The following GMCL1 variants were observed in gnomAD, a reference collection of about 807,000 sequenced individuals.
GMCL1 encodes the protein germ cell-less protein-like 1.
GMCL1 carries 54 observed loss-of-function variants against 75.5 expected under a neutral mutation model. The ratio of observed to expected loss-of-function variants is 0.71; its 90% CI spans 0.57 to 0.90. The LOEUF (loss-of-function observed/expected upper bound fraction) is 0.90, where lower values mean the gene tolerates loss of function less well. Among genes scored for constraint, GMCL1 ranks in the 40% least tolerant of loss-of-function variants. GMCL1 has a pLI of 0.00. For missense variants in GMCL1, 537 were observed against 622.7 expected (o/e 0.86, Z 1.47); for synonymous variants, 210 against 209.6 (o/e 1.00, Z -0.02).
At chr2:69,837,404 A>AT in intron 1 of GMCL1, 143 bp from the exon 2 acceptor site, 1 of 680,268 alleles carries the variant, frequency 1.5e-6, no homozygotes, top group South Asian at 2.4e-5. Context: ...TTGAATATAT[A>AT]CTATCTCCCT....
chr2:69,843,747 T>C (rs1394172900), intron 5 of GMCL1, among the ~76,000 whole-genome samples: 2 of 152,232 alleles, frequency 1.3e-5, no homozygotes, highest in Non-Finnish European at 2.9e-5. Context: ...GCCGTGATCA[T>C]GCCACTGCAC....
At chr2:69,867,348 C>G (rs1558550168) in intron 11 of GMCL1, among the ~76,000 whole-genome samples, 1 of 152,120 alleles carries the variant, frequency 6.6e-6, no homozygotes, top group South Asian at 2.1e-4. Flanking sequence ...TCCACCCTAC[C>G]TCAGGCATCC....
chr2:69,834,572 A>G (rs773635266), intron 1 of GMCL1, among the ~76,000 whole-genome samples: 4 of 152,160 alleles, frequency 2.6e-5, no homozygotes, highest in Non-Finnish European at 5.9e-5. Flanking sequence ...TCAGGCCTAC[A>G]GTCTTGATGA....
chr2:69,872,168 A>G lies in GMCL1; in HGVS notation c.1452+336A>G, dbSNP rs558785848. The stretch of plus-strand genomic sequence containing the variant: ...TAAGTGCTTTATCCATTGTGTACAT[A>G]GTGCATTTATTTATACATTCACAGC... On this transcript the variant is annotated intron_variant, in intron 13 of 13. Transcript: ENST00000282570. Among the ~76,000 whole-genome samples the G allele has an allele frequency of 5.6e-3, 846 of 152,334 alleles. 4 individuals carry two copies. Among genetic ancestry groups the G allele is most frequent in the African/African-American group, 0.018 (756 of 41,582 alleles).
At chr2:69,843,083 A>G in intron 4 of GMCL1, 66 bp from the exon 5 acceptor site, 1 of 702,310 alleles carries the variant, frequency 1.4e-6, no homozygotes, top group Non-Finnish European at 2.4e-6. Context: ...TTTAATATGT[A>G]AAAGCTGTCA....
chr2:69,855,139 A>G (rs1178485690), intron 9 of GMCL1, among the ~76,000 whole-genome samples, 179 bp downstream of exon 9: 1 of 152,080 alleles, frequency 6.6e-6, no homozygotes, highest in African/African-American at 2.4e-5. Context: ...TATCATGAGT[A>G]TTTTCCCATA....
intron 7 of GMCL1, 83 bp from the exon 8 acceptor site, chr2:69,849,569 A>T: frequency 1.2e-6 from 1 of 859,598 alleles, no homozygotes; most frequent in Non-Finnish European, 1.8e-6. Context: ...ATTATATTTT[A>T]AGGTGAAAGC....
chr2:69,875,912 G>C (rs1025884578), intron 13 of GMCL1, among the ~76,000 whole-genome samples: 7 of 152,040 alleles, frequency 4.6e-5, no homozygotes, highest in Admixed American at 3.3e-4. Context: ...AGATGGTCTC[G>C]ATCTCCTGAC....
intron 8 of GMCL1, among the ~76,000 whole-genome samples, chr2:69,853,078 A>G (rs562246090): frequency 1.3e-5 from 2 of 152,364 alleles, no homozygotes; most frequent in South Asian, 4.1e-4. Flanking sequence ...TCTCTTCTAC[A>G]GCCGTGACGA....
At chr2:69,863,725 C>T (rs1414569128) in intron 10 of GMCL1, among the ~76,000 whole-genome samples, 2 of 152,152 alleles carry the variant, frequency 1.3e-5, no homozygotes, top group African/African-American at 4.8e-5. Flanking sequence ...GCAGTTGAAA[C>T]TTTTTAGCAT....
At chr2:69,868,602 G>C (rs1675887028) in intron 11 of GMCL1, among the ~76,000 whole-genome samples, 1 of 150,008 alleles carries the variant, frequency 6.7e-6, no homozygotes. Context: ...TAGTAGAGAT[G>C]GGGTTTCGCC....
rs1389535004 is a variant in GMCL1, at chr2:69,854,812, G to T, written c.935-11G>T. 2.1e-5 allele frequency: 33 copies of T among 1,599,648 alleles called. No individual in the cohort carries two copies. Among genetic ancestry groups the T allele is most frequent in the Non-Finnish European group, 2.6e-5 (31 of 1,175,502 alleles). On this transcript the variant is annotated splice_polypyrimidine_tract_variant and intron_variant, in intron 8 of 13. Transcript: ENST00000282570. ...AAAGAATGGCTGTTTAACTTACATG[G>T]TTTTTTATAGATTTTGAAGGTATGG...
At position 69,844,186 on chromosome 2, in the gene GMCL1, AAAG is replaced by A. The variant is rs1675068155; in HGVS notation, c.751_753del (p.Glu251del). ...GACTCACCAGAATGTTGAACTTTTT[AAAG>A]AACTCAGGTATTTGAATTTCAAGTA... On this transcript the variant is annotated inframe_deletion, in exon 6 of 14. Transcript: ENST00000282570. The A allele has an allele frequency of 6.4e-7, 1 of 1,560,456 alleles. No individual in the cohort carries two copies. Among genetic ancestry groups the A allele is most frequent in the Non-Finnish European group, 8.7e-7 (1 of 1,147,620 alleles).
At chr2:69,867,044 A>C (rs1309124708) in intron 11 of GMCL1, among the ~76,000 whole-genome samples, 1 of 151,878 alleles carries the variant, frequency 6.6e-6, no homozygotes, top group Non-Finnish European at 1.5e-5. Flanking sequence ...TCCTGGGCTC[A>C]AGTGATCCTC....
At chr2:69,869,324 A>G (rs368844181) in intron 11 of GMCL1, among the ~76,000 whole-genome samples, 1 of 147,942 alleles carries the variant, frequency 6.8e-6, no homozygotes, top group African/African-American at 2.5e-5. Flanking sequence ...AGGCTGAGGC[A>G]GGAGAATCGC....
intron 11 of GMCL1, among the ~76,000 whole-genome samples, chr2:69,867,823 GTC>G (rs1352042412): frequency 6.6e-6 from 1 of 152,138 alleles, no homozygotes; most frequent in Non-Finnish European, 1.5e-5. Context: ...ATCATGATCT[GTC>G]TGCATTTTCC....
At chr2:69,844,002 C>T (rs879868291) in intron 5 of GMCL1, 129 bp from the exon 6 acceptor site, 1 of 455,554 alleles carries the variant, frequency 2.2e-6, no homozygotes, top group Non-Finnish European at 3.9e-6. Flanking sequence ...ACTAAATTTC[C>T]TATTGTTAAG....
Position 69,847,534 on chromosome 2 carries a change from C to G in GMCL1, c.759-9C>G, listed in dbSNP as rs866036217. 11 of 1,550,348 alleles carry G rather than the reference C, an allele frequency of 7.1e-6. No homozygotes were observed. The highest frequency in any genetic ancestry group is 9.8e-6 in the Non-Finnish European group (11 of 1,122,332). On this transcript the variant is annotated splice_polypyrimidine_tract_variant and intron_variant, in intron 6 of 13. Transcript: ENST00000282570. ...AGATAAGCTCACTCCCTCTATTTAT[C>G]CTTTTCAGTATAAATGTCATGAAAC...
chr2:69,833,091 T>TA (rs1354966303), intron 1 of GMCL1, among the ~76,000 whole-genome samples: 3 of 152,166 alleles, frequency 2.0e-5, no homozygotes, highest in African/African-American at 7.2e-5. Context: ...CACTGCCTAC[T>TA]AGGATGCCAA....
Sources: allele counts gnomAD v4.1 joint callset (sites outside exome capture counted in the v4.1 genomes callset), GRCh38; gene constraint gnomAD v4.1.1; transcripts MANE v1.5; gene names NCBI Gene and HGNC (gene_info 2026-07-23, HGNC 2026-07-21).